Variants in KIAA1143 observed in about 807,000 individuals in gnomAD.
KIAA1143 encodes the protein uncharacterized protein KIAA1143.
KIAA1143 carries 8 observed loss-of-function variants against 17.0 expected under a neutral mutation model. The observed-to-expected ratio is 0.47, with a 90% CI of 0.28 to 0.85. KIAA1143 has a LOEUF of 0.85. Among genes scored for constraint, KIAA1143 ranks in the 40% least tolerant of loss-of-function variants. KIAA1143 has a pLI of 0.12. For synonymous variants in KIAA1143, 64 were observed against 67.8 expected (o/e 0.94, Z 0.27); for missense variants, 162 against 183.3 (o/e 0.88, Z 0.67).
In KIAA1143 at chr3:44,749,669, G is replaced by T. The variant is rs948894765; in HGVS notation, c.*3672C>A. The T allele has an allele frequency of 7.9e-5, 12 of 152,246 alleles. No homozygotes were observed. Among genetic ancestry groups the T allele is most frequent in the African/African-American group, 2.9e-4 (12 of 41,528 alleles). 9.4% of individuals were successfully genotyped at this position (152,246 alleles called of 1,614,324 possible). ...CTTTCAAATAAATGAGAAACACATG[G>T]TTCTAGGACAATTGATTATTTGAGA... is the stretch of plus-strand genomic sequence containing the variant. On this transcript the variant is annotated 3_prime_UTR_variant, in exon 3 of 3. Transcript: ENST00000296121.
intron 1 of KIAA1143, among the ~76,000 whole-genome samples, chr3:44,759,722 T>C (rs1705031361): frequency 6.6e-6 from 1 of 151,716 alleles, no homozygotes; most frequent in African/African-American, 2.4e-5. Context: ...AGTGGAATCC[T>C]GTCTCTACAA....
intron 1 of KIAA1143, among the ~76,000 whole-genome samples, chr3:44,754,817 C>T (rs1704944805): frequency 1.3e-5 from 2 of 152,248 alleles, no homozygotes; most frequent in African/African-American, 4.8e-5. Flanking sequence ...TCATCTTTTC[C>T]CCCTCCTAAT....
At chr3:44,754,915 C>T (rs1024688937) in intron 1 of KIAA1143, among the ~76,000 whole-genome samples, 4 of 152,198 alleles carry the variant, frequency 2.6e-5, no homozygotes, top group African/African-American at 9.7e-5. Flanking sequence ...ACCAACAACA[C>T]TGTACTTATT....
Position 44,753,374 on chromosome 3 carries a change from G to A in KIAA1143, c.432C>T (p.Leu144=). The A allele has an allele frequency of 6.2e-7, 1 of 1,601,046 alleles. No homozygotes were observed. Among genetic ancestry groups the A allele is most frequent in the Non-Finnish European group, 8.6e-7 (1 of 1,168,870 alleles). Residue 144 remains leucine, a synonymous_variant, in exon 3 of 3, where the codon CTC becomes CTT. Transcript: ENST00000296121. ...TTTCATCTTCGTTGTCAAAAGAAAG[G>A]AGGCTACTATTTTTAATTTGTTTTT... The part of the protein sequence containing the change: ...NSQKQIKNSS[L]LSFDNEDENE
In KIAA1143 at chr3:44,753,164, A is replaced by G. The variant is rs1032773322; in HGVS notation, c.*177T>C. On this transcript the variant is annotated 3_prime_UTR_variant, in exon 3 of 3. Coordinates refer to ENST00000296121, the MANE Select transcript of KIAA1143 (RefSeq NM_020696.4). Reference sequence around the variant, plus strand: ...AATGTTAATACTAGCTAATTTCTATAGAGTTGGCATTTTAAGTCAGAGGGG... The same window carrying G: ...AATGTTAATACTAGCTAATTTCTATGGAGTTGGCATTTTAAGTCAGAGGGG... 3.9e-4 allele frequency: 193 copies of G among 491,234 alleles called. 3 individuals carry two copies. Among genetic ancestry groups the G allele is most frequent in the Middle Eastern group, 5.3e-4 (1 of 1,892 alleles). The allele number at this position is 491,234 out of a possible 1,614,324, so 30.4% of individuals were successfully genotyped here.
At chr3:44,756,633 T>C (rs956933005) in intron 1 of KIAA1143, among the ~76,000 whole-genome samples, 1 of 152,224 alleles carries the variant, frequency 6.6e-6, no homozygotes, top group African/African-American at 2.4e-5. Flanking sequence ...TCATTTCTTT[T>C]TGTTAATAGA....
chr3:44,759,218 T>C (rs1370845263), intron 1 of KIAA1143, among the ~76,000 whole-genome samples: 3 of 152,208 alleles, frequency 2.0e-5, no homozygotes, highest in Admixed American at 2.0e-4. Context: ...ATCCATGGGC[T>C]GCAGAATGGA....
Position 44,753,479 on chromosome 3 carries a change from A to G in KIAA1143, c.327T>C (p.Tyr109=), listed in dbSNP as rs1260730850. ...KPVKHPSDEK[Y]SGLTASSKKK... is the part of the protein sequence containing the mutation. ...TTTTTGAGCTTGCTGTTAAACCTGA[A>G]TATTTTTCATCTGAGGGATGCTTGA... Residue 109 remains tyrosine (Y), a synonymous_variant, in exon 3 of 3, where the codon TAT becomes TAC. Transcript: ENST00000296121. The G allele has an allele frequency of 1.2e-6, 2 of 1,612,116 alleles. No homozygotes were observed. The highest frequency in any genetic ancestry group is 1.7e-6 in the Non-Finnish European group (2 of 1,178,516).
chr3:44,757,678 G>A (rs1704995651), intron 1 of KIAA1143, among the ~76,000 whole-genome samples: 1 of 152,222 alleles, frequency 6.6e-6, no homozygotes, highest in South Asian at 2.1e-4. Context: ...GATAAGATAT[G>A]GATAAGGTAA....
rs1169187700 is a variant in KIAA1143, at chr3:44,761,581, A to G, written c.22T>C (p.Ser8Pro). The G allele has an allele frequency of 1.2e-6, 2 of 1,612,900 alleles. No individual in the cohort carries two copies. Among genetic ancestry groups the G allele is most frequent in the East Asian group, 2.2e-5 (1 of 44,694 alleles). Residue 8 changes from serine to proline, a missense_variant, in exon 1 of 3, where the codon TCG becomes CCG. By Grantham distance (74) the Ser-to-Pro change is moderately conservative. Coordinates refer to ENST00000296121, the MANE Select transcript of KIAA1143 (RefSeq NM_020696.4). ...GCCGGCTCGGCTGGCCGCACGTACG[A>G]TACCTGGTTCCGCTTGCTCATGGTA... MSKRNQVSYVRPAEPAFL... is the reference protein window; with the variant it reads MSKRNQVPYVRPAEPAFL...
Position 44,749,585 on chromosome 3 carries a change from T to C in KIAA1143, c.*3756A>G, listed in dbSNP as rs1007360215. 2 of 152,132 alleles carry C rather than the reference T, an allele frequency of 1.3e-5. No homozygotes were observed. Among genetic ancestry groups the C allele is most frequent in the Non-Finnish European group, 2.9e-5 (2 of 68,030 alleles). 9.4% of individuals were successfully genotyped at this position (152,132 alleles called of 1,614,324 possible). Reference sequence around the variant, plus strand: ...GAATCACCTCTAAAGGCTCAGACTTTAAAGTGCTTCCCCTCCCTTCCCTAC... The same window carrying C: ...GAATCACCTCTAAAGGCTCAGACTTCAAAGTGCTTCCCCTCCCTTCCCTAC... On this transcript the variant is annotated 3_prime_UTR_variant, in exon 3 of 3. Coordinates refer to ENST00000296121, the MANE Select transcript of KIAA1143 (RefSeq NM_020696.4).
chr3:44,760,195 G>A (rs1287821881), intron 1 of KIAA1143, among the ~76,000 whole-genome samples: 1 of 152,152 alleles, frequency 6.6e-6, no homozygotes, highest in Non-Finnish European at 1.5e-5. Flanking sequence ...AGGGAATGTT[G>A]TGGCTGGTTT....
rs903791388 is a variant in KIAA1143 at position 44,750,110 on chromosome 3, T to C, written c.*3231A>G. Reference sequence around the variant, plus strand: ...GGCCTGGGTGATTCTTTATCTGACATAGAGGTTGGGAAACAGAACAACAAA... The same window carrying C: ...GGCCTGGGTGATTCTTTATCTGACACAGAGGTTGGGAAACAGAACAACAAA... On this transcript the variant is annotated 3_prime_UTR_variant, in exon 3 of 3. Transcript: ENST00000296121. The C allele has an allele frequency of 6.6e-5, 10 of 152,092 alleles. No individual in the cohort carries two copies. The highest frequency in any genetic ancestry group is 1.4e-4 in the African/African-American group (6 of 41,394). The allele number at this position is 152,092 out of a possible 1,614,324, so 9.4% of individuals were successfully genotyped here.
intron 1 of KIAA1143, among the ~76,000 whole-genome samples, chr3:44,757,149 T>C (rs985812840): frequency 2.6e-5 from 4 of 152,228 alleles, no homozygotes; most frequent in African/African-American, 9.6e-5. Context: ...CAACTGTGCA[T>C]ACAGGGTCAT....
intron 1 of KIAA1143, among the ~76,000 whole-genome samples, chr3:44,758,067 G>C (rs1188048032): frequency 6.6e-6 from 1 of 152,102 alleles, no homozygotes; most frequent in Non-Finnish European, 1.5e-5. Flanking sequence ...CATGGGAGGA[G>C]GCAAAATATC....
chr3:44,759,376 A>C (rs1045966270), intron 1 of KIAA1143, among the ~76,000 whole-genome samples: 8 of 152,170 alleles, frequency 5.3e-5, no homozygotes, highest in African/African-American at 1.9e-4. Context: ...CAGTGGGCTA[A>C]AAATAATTCA....
rs1175489630 is a variant in KIAA1143, at chr3:44,754,384, A to G, written c.109-16T>C. 2 of 1,611,076 alleles carry G rather than the reference A, an allele frequency of 1.2e-6. No individual in the cohort carries two copies. The highest frequency in any genetic ancestry group is 2.2e-5 in the South Asian group (2 of 90,962). ...GCTGAATTCTCTAGGGAAAAACACA[A>G]ATACAATGTGTAGATCACTGATCTT... On this transcript the variant is annotated splice_polypyrimidine_tract_variant and intron_variant, in intron 1 of 2. Coordinates refer to ENST00000296121, the MANE Select transcript of KIAA1143 (RefSeq NM_020696.4).
chr3:44,755,611 C>T (rs181220875), intron 1 of KIAA1143, among the ~76,000 whole-genome samples: 56 of 152,316 alleles, frequency 3.7e-4, no homozygotes, highest in African/African-American at 1.3e-3. Context: ...CAAATTCCTA[C>T]GGCTTATTAA....
chr3:44,758,482 A>G (rs1047982975), intron 1 of KIAA1143, among the ~76,000 whole-genome samples: 6 of 152,240 alleles, frequency 3.9e-5, no homozygotes, highest in Admixed American at 3.9e-4. Context: ...CATCTTCACC[A>G]GAAGTAGATT....
Sources: gnomAD v4.1 joint callset for allele counts (sites outside exome capture counted in the v4.1 genomes callset) on GRCh38, gnomAD v4.1.1 for gene constraint, MANE v1.5 for transcripts, NCBI Gene and HGNC (gene_info 2026-07-23, HGNC 2026-07-21) for gene names.